Variants in ITIH6 observed in about 807,000 individuals in gnomAD.
ITIH6 encodes inter-alpha-trypsin inhibitor heavy chain H6.
A neutral mutation model predicts 58.2 loss-of-function variants in ITIH6; 60 were observed. The ratio of observed to expected loss-of-function variants is 1.03; its 90% CI spans 0.84 to 1.28. The LOEUF (loss-of-function observed/expected upper bound fraction) is 1.28, where lower values mean the gene tolerates loss of function less well. ITIH6 is among the 50% of genes most tolerant of loss of function. The pLI, the probability that ITIH6 is intolerant of heterozygous loss-of-function variation, is 0.00. For synonymous variants in ITIH6, 493 were observed against 417.4 expected (o/e 1.18, Z -2.21); for missense variants, 1,290 against 1,021.1 (o/e 1.26, Z -3.59).
chrX:54,761,670 C>T (rs1325722529), intron 6 of ITIH6, among the ~76,000 whole-genome samples: 2 of 110,949 alleles, frequency 1.8e-5, no homozygotes, highest in African/African-American at 3.3e-5. Flanking sequence ...AGCCAGTTTT[C>T]CCAGCACCAT....
chrX:54,796,374 T>C (rs1158354425), intron 2 of ITIH6, among the ~76,000 whole-genome samples: 1 of 112,258 alleles, frequency 8.9e-6, no homozygotes, highest in Non-Finnish European at 1.9e-5. Context: ...CCATGTATAT[T>C]AGTTCATTTA....
chrX:54,766,012 T>C (rs1928776597), intron 6 of ITIH6, among the ~76,000 whole-genome samples: 1 of 111,463 alleles, frequency 9.0e-6, no homozygotes, highest in Admixed American at 9.5e-5. Context: ...TATTGATTCT[T>C]CCTACCCATG....
At position 54,749,968 on chromosome X, in the gene ITIH6, G is replaced by A. The variant is rs144428047; in HGVS notation, c.3869C>T (p.Ala1290Val). Residue 1290 changes from alanine (A) to valine (V), a missense_variant, in exon 13 of 13, where the codon GCT becomes GTT. Physicochemically the swap from Ala to Val is moderately conservative, Grantham distance 64. Transcript: ENST00000218436. ...KDSPRLLPRW[A>V]SCWLVKRSHV... ...AGAGCGCTTCACCAGCCAGCAGGAA[G>A]CCCAGCGGGGCAGCAGCCTTGGTGA... 66 of 1,209,981 alleles carry A rather than the reference G, an allele frequency of 5.5e-5. No individual in the cohort carries two copies. The highest frequency in any genetic ancestry group is 3.6e-5 in the Non-Finnish European group (32 of 895,161).
intron 6 of ITIH6, among the ~76,000 whole-genome samples, chrX:54,769,341 A>C (rs1441051175): frequency 1.2e-5 from 1 of 84,734 alleles, no homozygotes; most frequent in Admixed American, 1.3e-4. Context: ...CCCGTAGCTC[A>C]GAGTAATTTG....
At chrX:54,782,450 C>G (rs1015610918) in intron 5 of ITIH6, among the ~76,000 whole-genome samples, 2 of 111,249 alleles carry the variant, frequency 1.8e-5, no homozygotes, top group African/African-American at 6.5e-5. Context: ...ATAAAAATAA[C>G]TAATGGGTAC....
Position 54,758,625 on chromosome X carries a change from A to G in ITIH6, c.1449T>C (p.Gly483=). 8.3e-7 allele frequency: 1 copy of G among 1,211,513 alleles called. No homozygotes were observed. Among genetic ancestry groups the G allele is most frequent in the Non-Finnish European group, 1.1e-6 (1 of 895,414 alleles). Residue 483 remains glycine (G), a synonymous_variant, in exon 8 of 13, where the codon GGT becomes GGC. Coordinates refer to ENST00000218436, the MANE Select transcript of ITIH6 (RefSeq NM_198510.3). ...LLADVRLNYL[G]GLVGASPWAV... is the part of the protein sequence containing the mutation. ...CCCAAGGGGAGGCCCCAACCAAGCC[A>G]CCCAGGTAGTTCAGACGCACATCTG... is the stretch of plus-strand genomic sequence containing the variant.
chrX:54,759,158 A>G (rs1462246258), intron 7 of ITIH6, among the ~76,000 whole-genome samples, 160 bp from the exon 8 acceptor site: 1 of 110,912 alleles, frequency 9.0e-6, no homozygotes, highest in African/African-American at 3.3e-5. Context: ...TCCCACCCAG[A>G]CTTGCTGAGA....
chrX:54,767,984 A>C (rs1928837903), intron 6 of ITIH6, among the ~76,000 whole-genome samples: 1 of 100,117 alleles, frequency 1.0e-5, no homozygotes, highest in South Asian at 4.3e-4. Flanking sequence ...TAATGTTGAC[A>C]GTGGGGTGTT....
rs748946753 is a variant in ITIH6 at position 54,753,673 on chromosome X, C to T, written c.3330G>A (p.Gln1110=). 1.7e-6 allele frequency: 2 copies of T among 1,207,668 alleles called. No homozygotes were observed. Among genetic ancestry groups the T allele is most frequent in the Non-Finnish European group, 2.2e-6 (2 of 893,566 alleles). ...TLNGHPGDLL[Q]LIEDPKAGLH... ...TACCTGCCTTTGGGTCCTCTATGAGCTGCAGCAAGTCCCCAGGGTGCCCAT... is the reference window on the plus strand; with the variant it reads ...TACCTGCCTTTGGGTCCTCTATGAGTTGCAGCAAGTCCCCAGGGTGCCCAT... The change falls in exon 11 of 13, where the codon CAG becomes CAA. Residue 1110 remains glutamine (Q), a synonymous_variant. Coordinates refer to ENST00000218436, the MANE Select transcript of ITIH6 (RefSeq NM_198510.3).
At chrX:54,780,458 A>G (rs1166906354) in intron 5 of ITIH6, among the ~76,000 whole-genome samples, 1 of 112,380 alleles carries the variant, frequency 8.9e-6, no homozygotes, top group African/African-American at 3.2e-5. Flanking sequence ...AAATTAAAAA[A>G]TTTCTCAAAA....
Position 54,759,843 on chromosome X carries a change from C to T in ITIH6, c.988G>A (p.Val330Ile), listed in dbSNP as rs1163419555. Reference protein sequence around the residue: ...NIISFSDTVNVWKAGGSIQAT... With the variant: ...NIISFSDTVNIWKAGGSIQAT... The stretch of plus-strand genomic sequence containing the variant: ...TGGATTGAGCCTCCAGCTTTCCAAA[C>T]ATTAACTGTGTCAGAAAAGGAGATG... Residue 330 changes from valine (V) to isoleucine (I), a missense_variant, in exon 7 of 13, where the codon GTT becomes ATT. Transcript: ENST00000218436. 5.0e-6 allele frequency: 6 copies of T among 1,208,887 alleles called. No homozygotes were observed. The Admixed American group carries it at 1.3e-4, about 26-fold the overall frequency.
At chrX:54,762,118 C>T (rs902342949) in intron 6 of ITIH6, among the ~76,000 whole-genome samples, 1 of 111,699 alleles carries the variant, frequency 9.0e-6, no homozygotes, top group Admixed American at 9.5e-5. Flanking sequence ...TTTCATTGAA[C>T]AGTGGTTTGT....
intron 6 of ITIH6, among the ~76,000 whole-genome samples, chrX:54,770,056 G>A (rs1355919677): frequency 8.9e-6 from 1 of 112,321 alleles, no homozygotes; most frequent in Admixed American, 9.3e-5. Context: ...GACCCTCCGA[G>A]CCAGGTGTGG....
Position 54,749,820 on chromosome X carries a change from G to A in ITIH6, c.*75C>T. ...TGTGCTTCCATGTCCTTGGGTCTCT[G>A]TCCCTGGCTCACCCCATGCCCTGGT... On this transcript the variant is annotated 3_prime_UTR_variant, in exon 13 of 13. Transcript: ENST00000218436. The A allele has an allele frequency of 1.1e-6, 1 of 891,416 alleles. No individual in the cohort carries two copies. Among genetic ancestry groups the A allele is most frequent in the Non-Finnish European group, 1.6e-6 (1 of 633,753 alleles). 73.5% of individuals were successfully genotyped at this position (891,416 alleles called of 1,213,427 possible). A position where few individuals can be genotyped will look rare whatever the true frequency, so the allele number is the denominator to read the frequency against.
In ITIH6 at chrX:54,790,853, G is replaced by A. The variant is rs771528205; in HGVS notation, c.600C>T (p.Arg200=). The A allele has an allele frequency of 1.7e-6, 2 of 1,211,062 alleles. No homozygotes were observed. Among genetic ancestry groups the A allele is most frequent in the South Asian group, 1.8e-5 (1 of 56,937 alleles). The change falls in exon 4 of 13, where the codon CGC becomes CGT. Residue 200 remains arginine (R), a synonymous_variant. Transcript: ENST00000218436. ...CCCACATACTTGCATGGGCATTGGT[G>A]CGCAGACGGCCGGTCCTCAGGGGTG... The part of the protein sequence containing the change: ...HIPPLRTGRL[R]TNAHASEVDS...
chrX:54,756,820 G>A, intron 8 of ITIH6, 145 bp downstream of exon 8: 2 of 407,520 alleles, frequency 4.9e-6, no homozygotes, highest in Non-Finnish European at 8.3e-6. Flanking sequence ...AAGCAAGCAA[G>A]CAAGCAAGCA....
intron 5 of ITIH6, among the ~76,000 whole-genome samples, chrX:54,783,015 G>A (rs746117917): frequency 4.5e-5 from 5 of 112,356 alleles, no homozygotes; most frequent in Non-Finnish European, 7.5e-5. Context: ...TTATCCCTGG[G>A]ATGCAAGGAT....
chrX:54,788,736 A>G (rs930735719), intron 4 of ITIH6, 87 bp from the exon 5 acceptor site: 2 of 758,398 alleles, frequency 2.6e-6, no homozygotes, highest in African/African-American at 4.2e-5. Context: ...AAAGGGTGCT[A>G]TCTGGGGAGG....
chrX:54,766,701 G>C (rs1414098421), intron 6 of ITIH6, among the ~76,000 whole-genome samples: 1 of 94,870 alleles, frequency 1.1e-5, no homozygotes, highest in Non-Finnish European at 2.0e-5. Context: ...TTATTGATTT[G>C]CGTATATTGA....
Sources: allele counts gnomAD v4.1 joint callset (sites outside exome capture counted in the v4.1 genomes callset), GRCh38; gene constraint gnomAD v4.1.1; transcripts MANE v1.5; gene names NCBI Gene and HGNC (gene_info 2026-07-23, HGNC 2026-07-21).